Variants in FAT3 observed in about 807,000 individuals in gnomAD.
FAT3 encodes protocadherin Fat 3.
In FAT3, 95 loss-of-function variants were observed where a neutral mutation model predicts 310.2. The ratio of observed to expected loss-of-function variants is 0.31; its 90% confidence interval spans 0.26 to 0.36. The LOEUF is 0.36. Ranked by LOEUF, FAT3 falls within the 10% of genes least tolerant of loss-of-function variation. FAT3 has a pLI of 1.00. For missense variants in FAT3, 5,408 were observed against 5,715.6 expected (o/e 0.95, Z 1.74); for synonymous variants, 2,314 against 2,192.9 (o/e 1.06, Z -1.54).
rs1382009694 is a variant in FAT3, at chr11:92,844,753, TC to T, written c.11365+24del. The T allele has an allele frequency of 2.0e-6, 3 of 1,487,418 alleles. No homozygotes were observed. The African/African-American group carries it at 4.2e-5, about 21-fold the overall frequency. 92.1% of individuals were successfully genotyped at this position (1,487,418 alleles called of 1,614,324 possible). A position where few individuals can be genotyped will look rare whatever the true frequency, so the allele number is the denominator to read the frequency against. On this transcript the variant is annotated intron_variant, in intron 19 of 27. Transcript: ENST00000525166. The stretch of plus-strand genomic sequence containing the variant: ...CAATGGTGAGTGCAGTTTTGAGTGT[TC>T]CCTCTCAACTCCTGAGATTGTAGGA...
intron 19 of FAT3, among the ~76,000 whole-genome samples, chr11:92,849,055 G>A (rs926325946): frequency 2.0e-5 from 3 of 152,144 alleles, no homozygotes; most frequent in Non-Finnish European, 2.9e-5. Flanking sequence ...ACATGTAATT[G>A]CATTTAACTC....
intron 2 of FAT3, among the ~76,000 whole-genome samples, chr11:92,493,954 C>G (rs1312455327): frequency 2.0e-5 from 3 of 151,808 alleles, no homozygotes; most frequent in Non-Finnish European, 4.4e-5. Context: ...AGAAGCTACA[C>G]AGACCTGAGA....
At chr11:92,473,065 T>A (rs1951951817) in intron 2 of FAT3, among the ~76,000 whole-genome samples, 1 of 152,154 alleles carries the variant, frequency 6.6e-6, no homozygotes, top group African/African-American at 2.4e-5. Context: ...CTGGGAAAAG[T>A]CTCCACTGAG....
chr11:92,384,426 G>C (rs1949572279), intron 2 of FAT3, among the ~76,000 whole-genome samples: 1 of 152,138 alleles, frequency 6.6e-6, no homozygotes, highest in African/African-American at 2.4e-5. Flanking sequence ...TTTAGAAAAA[G>C]GGAAGAAAAT....
chr11:92,570,293 A>G (rs1368210366), intron 3 of FAT3, among the ~76,000 whole-genome samples: 1 of 152,210 alleles, frequency 6.6e-6, no homozygotes. Context: ...AAGACAAGCC[A>G]GTCCTTGGTC....
intron 3 of FAT3, among the ~76,000 whole-genome samples, chr11:92,624,640 A>G (rs1395117886): frequency 6.6e-6 from 1 of 152,182 alleles, no homozygotes; most frequent in East Asian, 1.9e-4. Flanking sequence ...AAAAATAGCA[A>G]TTAGATACAA....
intron 3 of FAT3, among the ~76,000 whole-genome samples, chr11:92,582,255 C>T (rs191003668): frequency 6.6e-6 from 1 of 151,846 alleles, no homozygotes; most frequent in African/African-American, 2.4e-5. Flanking sequence ...GTTGTGCCAA[C>T]CTCCTATCTC....
intron 3 of FAT3, among the ~76,000 whole-genome samples, chr11:92,626,067 G>A (rs559051909): frequency 9.9e-5 from 15 of 152,272 alleles, no homozygotes; most frequent in African/African-American, 3.1e-4. Context: ...CCTAATGGAG[G>A]ATTAGCTGGA....
At chr11:92,519,453 T>G (rs972973900) in intron 2 of FAT3, among the ~76,000 whole-genome samples, 7 of 152,002 alleles carry the variant, frequency 4.6e-5, no homozygotes, top group Non-Finnish European at 5.9e-5. Context: ...AGGACAAAAT[T>G]TTTATGACTT....
At chr11:92,356,986 T>C (rs1006063332) in intron 2 of FAT3, among the ~76,000 whole-genome samples, 1 of 152,210 alleles carries the variant, frequency 6.6e-6, no homozygotes, top group African/African-American at 2.4e-5. Context: ...TCCGTGGCTA[T>C]AGTAGATTAA....
chr11:92,352,054 G>A lies in FAT3; in HGVS notation c.-17-42G>A. On this transcript the variant is annotated intron_variant, in intron 1 of 27. Transcript: ENST00000525166. ...TTTCCCACTCTCCCCCTTCTTCTAG[G>A]ATGGTTAATTTATCTTTTCTCTCTC... 3 of 1,200,656 alleles carry A rather than the reference G, an allele frequency of 2.5e-6. No homozygotes were observed. The South Asian group carries it at 5.0e-5, about 20-fold the overall frequency. 74.4% of individuals were successfully genotyped at this position (1,200,656 alleles called of 1,614,324 possible). A position where few individuals can be genotyped will look rare whatever the true frequency, so the allele number is the denominator to read the frequency against.
intron 3 of FAT3, among the ~76,000 whole-genome samples, chr11:92,571,605 A>G (rs1955665275): frequency 6.6e-6 from 1 of 152,134 alleles, no homozygotes; most frequent in Admixed American, 6.5e-5. Context: ...TTTGGCCTAA[A>G]ATTTGGGTAT....
chr11:92,821,005 G>T (rs1947954199), intron 13 of FAT3, among the ~76,000 whole-genome samples: 1 of 152,184 alleles, frequency 6.6e-6, no homozygotes, highest in Non-Finnish European at 1.5e-5. Flanking sequence ...CATCTGTGTT[G>T]GGAGCACAGC....
chr11:92,342,461 A>G (rs1219299736), intron 1 of FAT3, among the ~76,000 whole-genome samples: 1 of 152,174 alleles, frequency 6.6e-6, no homozygotes, highest in Non-Finnish European at 1.5e-5. Flanking sequence ...TTAAAGAGGA[A>G]TGGCAATTGG....
chr11:92,753,246 A>G (rs1945876022), intron 4 of FAT3, among the ~76,000 whole-genome samples: 3 of 152,200 alleles, frequency 2.0e-5, no homozygotes, highest in Admixed American at 2.0e-4. Flanking sequence ...GTCCCAGCTA[A>G]TAGCCATCAT....
intron 3 of FAT3, among the ~76,000 whole-genome samples, chr11:92,624,450 C>T (rs1941231835): frequency 6.6e-6 from 1 of 152,168 alleles, no homozygotes; most frequent in African/African-American, 2.4e-5. Flanking sequence ...CTTTTCTCTA[C>T]TCTGATGCTA....
At chr11:92,658,319 T>C (rs1942652588) in intron 3 of FAT3, among the ~76,000 whole-genome samples, 1 of 152,200 alleles carries the variant, frequency 6.6e-6, no homozygotes, top group Admixed American at 6.5e-5. Flanking sequence ...AAGTTTGAAC[T>C]ATTTAAAATT....
intron 3 of FAT3, among the ~76,000 whole-genome samples, chr11:92,555,388 A>G (rs1954982858): frequency 6.6e-6 from 1 of 152,228 alleles, no homozygotes; most frequent in Non-Finnish European, 1.5e-5. Context: ...CCTTAAAATT[A>G]GTTTTAAATT....
chr11:92,337,273 T>G (rs1948113366), intron 1 of FAT3, among the ~76,000 whole-genome samples: 2 of 152,200 alleles, frequency 1.3e-5, no homozygotes, highest in Admixed American at 1.3e-4. Context: ...GATGCCCGAA[T>G]TTCTGGTTCA....
Sources: allele counts gnomAD v4.1 joint callset (sites outside exome capture counted in the v4.1 genomes callset), GRCh38; gene constraint gnomAD v4.1.1; transcripts MANE v1.5; gene names NCBI Gene and HGNC (gene_info 2026-07-23, HGNC 2026-07-21).